ANTXR1: variants seen among roughly 807,000 people sequenced by gnomAD.
ANTXR1 encodes anthrax toxin receptor 1.
A neutral mutation model predicts 78.1 loss-of-function variants in ANTXR1; 19 were observed. That is an observed-to-expected ratio of 0.24 (90% CI 0.17 to 0.36). The LOEUF (loss-of-function observed/expected upper bound fraction) is 0.36. Among genes scored for constraint, ANTXR1 ranks in the 10% least tolerant of loss-of-function variants. The pLI, the probability that ANTXR1 is intolerant of heterozygous loss-of-function variation, is 1.00. For synonymous variants in ANTXR1, 273 were observed against 260.5 expected, an observed-to-expected ratio of 1.05 and a Z score of -0.46; for missense variants, 518 against 718.6, an observed-to-expected ratio of 0.72 and a Z score of 3.19.
intron 3 of ANTXR1, among the ~76,000 whole-genome samples, chr2:69,069,481 T>G (rs754619739): frequency 6.6e-6 from 1 of 152,222 alleles, no homozygotes; most frequent in African/African-American, 2.4e-5. Context: ...CTCAGAGCCA[T>G]AGGTTCCCAG....
intron 13 of ANTXR1, among the ~76,000 whole-genome samples, chr2:69,160,271 G>A (rs958969068): frequency 6.6e-6 from 1 of 152,102 alleles, no homozygotes; most frequent in Non-Finnish European, 1.5e-5. Context: ...CTCATCCTTT[G>A]TGGGCTGCCT....
chr2:69,022,926 G>C (rs1190684782), intron 1 of ANTXR1, among the ~76,000 whole-genome samples: 4 of 152,220 alleles, frequency 2.6e-5, no homozygotes, highest in Non-Finnish European at 5.9e-5. Context: ...AGTGTTGCCA[G>C]GTCCTGCTGT....
chr2:69,199,089 G>A (rs142364781), intron 17 of ANTXR1, among the ~76,000 whole-genome samples: 5 of 152,266 alleles, frequency 3.3e-5, no homozygotes, highest in African/African-American at 7.2e-5. Context: ...TACCAAACAC[G>A]GATAAGACAA....
chr2:69,016,120 G>A (rs1671017611), intron 1 of ANTXR1, among the ~76,000 whole-genome samples: 1 of 152,196 alleles, frequency 6.6e-6, no homozygotes, highest in African/African-American at 2.4e-5. Flanking sequence ...GCGCTGTCCA[G>A]TAGAACTTTC....
intron 17 of ANTXR1, among the ~76,000 whole-genome samples, chr2:69,236,065 A>T (rs1675755856): frequency 6.6e-6 from 1 of 152,184 alleles, no homozygotes; most frequent in African/African-American, 2.4e-5. Context: ...GCATGGGGAA[A>T]ACTGCACCCA....
At chr2:69,199,144 A>G (rs1674720028) in intron 17 of ANTXR1, among the ~76,000 whole-genome samples, 1 of 152,240 alleles carries the variant, frequency 6.6e-6, no homozygotes, top group Non-Finnish European at 1.5e-5. Context: ...TAGCAGATCA[A>G]TGGTTCTCAA....
At chr2:69,232,528 T>A (rs1449085383) in intron 17 of ANTXR1, among the ~76,000 whole-genome samples, 1 of 148,446 alleles carries the variant, frequency 6.7e-6, no homozygotes, top group East Asian at 1.9e-4. Context: ...TTTGAAGTTT[T>A]AAAAGCAGTC....
intron 10 of ANTXR1, among the ~76,000 whole-genome samples, chr2:69,111,222 A>T (rs1671968953): frequency 6.6e-6 from 1 of 152,252 alleles, no homozygotes; most frequent in Middle Eastern, 3.4e-3. Context: ...CTTCACACAA[A>T]CTGTATTTAC....
intron 1 of ANTXR1, among the ~76,000 whole-genome samples, chr2:69,038,981 C>G (rs1036572128): frequency 3.3e-5 from 5 of 152,104 alleles, no homozygotes; most frequent in Admixed American, 2.6e-4. Flanking sequence ...GGAAAAACAG[C>G]AACAAATAGC....
In ANTXR1 at chr2:69,249,052, G is replaced by C. The variant is rs1454223757; in HGVS notation, c.*3567G>C. The C allele has an allele frequency of 3.3e-5, 5 of 152,154 alleles. No homozygotes were observed. The highest frequency in any genetic ancestry group is 1.5e-5 in the Non-Finnish European group (1 of 68,026). The allele number at this position is 152,154 out of a possible 1,614,324, so 9.4% of individuals were successfully genotyped here. On this transcript the variant is annotated 3_prime_UTR_variant, in exon 18 of 18. Coordinates refer to ENST00000303714, the MANE Select transcript of ANTXR1 (RefSeq NM_032208.3). ...AGTTATGGATCTTCAATGCCTCTGAGTCATTGTTATAAAAAATCAGTTATC... is the reference window on the plus strand; with the variant it reads ...AGTTATGGATCTTCAATGCCTCTGACTCATTGTTATAAAAAATCAGTTATC...
chr2:69,015,395 G>T (rs1365728258), intron 1 of ANTXR1, among the ~76,000 whole-genome samples: 1 of 151,798 alleles, frequency 6.6e-6, no homozygotes, highest in African/African-American at 2.4e-5. Flanking sequence ...GATGGTAAAG[G>T]CCAAAGAATA....
intron 17 of ANTXR1, among the ~76,000 whole-genome samples, chr2:69,200,001 G>T (rs1461479568): frequency 6.6e-6 from 1 of 152,108 alleles, no homozygotes; most frequent in Admixed American, 6.5e-5. Context: ...ATGGAAAAGA[G>T]AAAATAGAAC....
At chr2:69,147,310 T>A (rs550201723) in intron 12 of ANTXR1, among the ~76,000 whole-genome samples, 1 of 152,268 alleles carries the variant, frequency 6.6e-6, no homozygotes, top group Non-Finnish European at 1.5e-5. Flanking sequence ...AATGCAGATG[T>A]GCATCTACTT....
intron 3 of ANTXR1, among the ~76,000 whole-genome samples, chr2:69,069,070 A>G (rs1670489778): frequency 6.6e-6 from 1 of 152,148 alleles, no homozygotes; most frequent in Admixed American, 6.5e-5. Context: ...TATTCCACCT[A>G]TGAAGCATCA....
At chr2:69,239,521 G>A (rs1377798023) in intron 17 of ANTXR1, among the ~76,000 whole-genome samples, 5 of 152,156 alleles carry the variant, frequency 3.3e-5, no homozygotes, top group Admixed American at 2.0e-4. Context: ...GTAGTGAGCC[G>A]AGATCACTCT....
Position 69,245,669 on chromosome 2 carries a change from A to G in ANTXR1, c.*184A>G. ...AAAGAAACAGATATTTTAAATTGCC[A>G]GAAAACAAATGATGAGGCAACTACA... is the stretch of plus-strand genomic sequence containing the variant. On this transcript the variant is annotated 3_prime_UTR_variant, in exon 18 of 18. Transcript: ENST00000303714. 1.2e-6 allele frequency: 1 copy of G among 856,092 alleles called. No homozygotes were observed. The highest frequency in any genetic ancestry group is 1.8e-6 in the Non-Finnish European group (1 of 557,744). The allele number at this position is 856,092 out of a possible 1,614,324, so 53.0% of individuals were successfully genotyped here. A position where few individuals can be genotyped will look rare whatever the true frequency, so the allele number is the denominator to read the frequency against.
chr2:69,195,607 T>C (rs1445799695), intron 17 of ANTXR1, among the ~76,000 whole-genome samples: 1 of 152,192 alleles, frequency 6.6e-6, no homozygotes, highest in Non-Finnish European at 1.5e-5. Flanking sequence ...AGACCAAATT[T>C]CTATATGAAA....
intron 1 of ANTXR1, among the ~76,000 whole-genome samples, chr2:69,034,063 A>G (rs1038750143): frequency 1.3e-5 from 2 of 152,232 alleles, no homozygotes; most frequent in East Asian, 3.8e-4. Flanking sequence ...TTAAACAATA[A>G]TCAGAGGGCA....
intron 17 of ANTXR1, among the ~76,000 whole-genome samples, chr2:69,221,180 C>A (rs1239185274): frequency 2.0e-5 from 3 of 152,118 alleles, no homozygotes; most frequent in African/African-American, 7.2e-5. Context: ...AAGGGACTCT[C>A]CAATTACAGA....
Sources: allele counts gnomAD v4.1 joint callset (sites outside exome capture counted in the v4.1 genomes callset), GRCh38; gene constraint gnomAD v4.1.1; transcripts MANE v1.5; gene names NCBI Gene and HGNC (gene_info 2026-07-23, HGNC 2026-07-21).